LHFPL3: variants seen among roughly 807,000 people sequenced by gnomAD.
The protein encoded by LHFPL3 is LHFPL tetraspan subfamily member 3, also known as LHFPL tetraspan subfamily member 3 protein.
In LHFPL3, 5 loss-of-function variants were observed where a neutral mutation model predicts 19.3. The observed-to-expected ratio is 0.26, with a 90% CI of 0.14 to 0.54. LHFPL3 has a LOEUF of 0.54. Among genes scored for constraint, LHFPL3 ranks in the 20% least tolerant of loss-of-function variants. The probability of loss-of-function intolerance (pLI) is 0.94; values close to 1 mark genes in which losing one functional copy is unlikely to be tolerated. For missense variants in LHFPL3, 249 were observed against 307.4 expected, an observed-to-expected ratio of 0.81 and a Z score of 1.42; for synonymous variants, 133 against 126.2, an observed-to-expected ratio of 1.05 and a Z score of -0.36.
intron 1 of LHFPL3, among the ~76,000 whole-genome samples, chr7:104,594,970 C>T (rs1029824460): frequency 5.9e-5 from 9 of 152,286 alleles, no homozygotes; most frequent in Non-Finnish European, 1.0e-4. Flanking sequence ...AGCTTCCTTA[C>T]GATGGGTTCA....
chr7:104,502,291 G>A (rs536262299), intron 1 of LHFPL3, among the ~76,000 whole-genome samples: 10 of 152,260 alleles, frequency 6.6e-5, no homozygotes, highest in African/African-American at 2.4e-4. Context: ...CCCATGGATT[G>A]GAATTTGGAA....
intron 1 of LHFPL3, among the ~76,000 whole-genome samples, chr7:104,522,623 C>G (rs1794093197): frequency 6.6e-6 from 1 of 152,004 alleles, no homozygotes; most frequent in Admixed American, 6.6e-5. Flanking sequence ...TGGTTCCTAG[C>G]CTCAAGAAAC....
chr7:104,598,459 G>A (rs1380895103), intron 1 of LHFPL3, among the ~76,000 whole-genome samples: 1 of 152,192 alleles, frequency 6.6e-6, no homozygotes, highest in Non-Finnish European at 1.5e-5. Context: ...ACAAAGCACA[G>A]TCAAAGCAGT....
chr7:104,332,223 CTTTTTT>C (rs1183733733), intron 1 of LHFPL3, among the ~76,000 whole-genome samples: 1 of 63,942 alleles, frequency 1.6e-5, no homozygotes, highest in African/African-American at 7.2e-5. Context: ...TATTTCTTTT[CTTTTTT>C]TTTTTTTTTT....
chr7:104,343,929 GTCTGTT>G (rs1248392777), intron 1 of LHFPL3, among the ~76,000 whole-genome samples: 1 of 151,974 alleles, frequency 6.6e-6, no homozygotes, highest in Non-Finnish European at 1.5e-5. Flanking sequence ...GTTTAATTTT[GTCTGTT>G]TCTGTTTTTA....
intron 1 of LHFPL3, among the ~76,000 whole-genome samples, chr7:104,535,523 A>G (rs182561090): frequency 6.6e-6 from 1 of 152,274 alleles, no homozygotes; most frequent in East Asian, 1.9e-4. Context: ...TAACTCATAC[A>G]CACCCTCCCC....
intron 1 of LHFPL3, among the ~76,000 whole-genome samples, chr7:104,538,219 G>A (rs1477585276): frequency 3.3e-5 from 5 of 152,142 alleles, no homozygotes; most frequent in South Asian, 2.1e-4. Context: ...TGGCAAATCT[G>A]AGCACTGTAA....
chr7:104,831,841 G>T (rs1790958971), intron 2 of LHFPL3, among the ~76,000 whole-genome samples: 1 of 151,932 alleles, frequency 6.6e-6, no homozygotes, highest in Non-Finnish European at 1.5e-5. Context: ...CTTATTATTT[G>T]AGTGACTTTG....
chr7:104,894,894 T>C (rs191560537), intron 2 of LHFPL3: 3 of 152,294 alleles, frequency 2.0e-5, no homozygotes, highest in African/African-American at 7.2e-5. Flanking sequence ...ATCCAAACTT[T>C]TATCTGGCTG....
At chr7:104,808,977 C>T (rs1219691991) in intron 2 of LHFPL3, among the ~76,000 whole-genome samples, 2 of 147,926 alleles carry the variant, frequency 1.4e-5, no homozygotes, top group Non-Finnish European at 1.5e-5. Context: ...CTCACTACAA[C>T]CTCCATCTCC....
chr7:104,427,896 A>G (rs1791879302), intron 1 of LHFPL3, among the ~76,000 whole-genome samples: 1 of 152,256 alleles, frequency 6.6e-6, no homozygotes, highest in African/African-American at 2.4e-5. Flanking sequence ...GGTGATGAGC[A>G]TCAGGAATGA....
At chr7:104,754,470 C>A (rs565791974) in intron 2 of LHFPL3, among the ~76,000 whole-genome samples, 13 of 152,158 alleles carry the variant, frequency 8.5e-5, no homozygotes, top group Non-Finnish European at 1.6e-4. Flanking sequence ...TGGATTAGAG[C>A]CTTAGCTTCA....
chr7:104,468,180 T>C (rs1477194814), intron 1 of LHFPL3, among the ~76,000 whole-genome samples: 1 of 152,208 alleles, frequency 6.6e-6, no homozygotes, highest in African/African-American at 2.4e-5. Flanking sequence ...TATCCTCCTC[T>C]ACCTCAACTG....
intron 1 of LHFPL3, among the ~76,000 whole-genome samples, chr7:104,617,706 C>A (rs930670689): frequency 6.6e-6 from 1 of 152,114 alleles, no homozygotes; most frequent in Non-Finnish European, 1.5e-5. Flanking sequence ...TTCATATAGC[C>A]CAAAGCTCAC....
chr7:104,494,793 C>G (rs911253856), intron 1 of LHFPL3, among the ~76,000 whole-genome samples: 6 of 152,118 alleles, frequency 3.9e-5, no homozygotes, highest in African/African-American at 1.4e-4. Context: ...GACAGATAGT[C>G]CTGGCAGCTC....
intron 1 of LHFPL3, among the ~76,000 whole-genome samples, chr7:104,528,118 C>T (rs1364970232): frequency 6.6e-6 from 1 of 152,172 alleles, no homozygotes; most frequent in Non-Finnish European, 1.5e-5. Flanking sequence ...CCCTGTGATA[C>T]ATTTTCCACA....
At chr7:104,739,976 G>C (rs1030525522) in intron 2 of LHFPL3, among the ~76,000 whole-genome samples, 1 of 152,038 alleles carries the variant, frequency 6.6e-6, no homozygotes, top group Admixed American at 6.5e-5. Context: ...TAATTTCCAC[G>C]TGTTGGGAAA....
rs59634461 is a variant in LHFPL3, at chr7:104,872,649, GA to G, written c.683-33526del. On this transcript the variant is annotated intron_variant, in intron 2 of 2. Transcript: ENST00000424859. ...AACAGAGTGAGAGTCCATCTCAAAA[GA>G]AAAAAAAAAAACTAAGACAGGGACA... Among the ~76,000 whole-genome samples the G allele has an allele frequency of 1.1e-3, 157 of 137,916 alleles. 1 individual carries two copies. The highest frequency in any genetic ancestry group is 2.7e-3 in the African/African-American group (102 of 37,596). 90.5% of individuals were successfully genotyped at this position (137,916 alleles called of 152,430 possible).
chr7:104,856,130 A>G (rs1354098361), intron 2 of LHFPL3, among the ~76,000 whole-genome samples: 3 of 152,262 alleles, frequency 2.0e-5, no homozygotes, highest in Non-Finnish European at 4.4e-5. Context: ...GGAGTTTCTC[A>G]AAGGAGGCCT....
Sources: gnomAD v4.1 joint callset for allele counts (sites outside exome capture counted in the v4.1 genomes callset) on GRCh38, gnomAD v4.1.1 for gene constraint, MANE v1.5 for transcripts, NCBI Gene and HGNC (gene_info 2026-07-23, HGNC 2026-07-21) for gene names.